TUBB3: variants seen among roughly 807,000 people sequenced by gnomAD.
The protein encoded by TUBB3 is tubulin beta-3 chain.
TUBB3 carries 17 observed loss-of-function variants against 37.8 expected under a neutral mutation model. That is an observed-to-expected ratio of 0.45 (90% confidence interval 0.31 to 0.67). The LOEUF is 0.67. TUBB3 is among the 30% of genes least tolerant of loss of function. The pLI is 0.07. For missense variants in TUBB3, 262 were observed against 657.9 expected, an observed-to-expected ratio of 0.40 and a Z score of 6.58; for synonymous variants, 332 against 278.9, an observed-to-expected ratio of 1.19 and a Z score of -1.90.
rs147928399 is a variant in TUBB3 at position 89,933,463 on chromosome 16, C to G, written c.167-5C>G. ...CCGAATCACCGAGCCCCTCTCTCCC[C>G]TCAGCTCACAAGTACGTGCCTCGAG... is the stretch of plus-strand genomic sequence containing the variant. On this transcript the variant is annotated splice_region_variant and splice_polypyrimidine_tract_variant and intron_variant, in intron 2 of 3. Coordinates refer to ENST00000315491, the MANE Select transcript of TUBB3 (RefSeq NM_006086.4). 2.8e-4 allele frequency: 445 copies of G among 1,612,916 alleles called. No homozygotes were observed. The African/African-American group carries it at 5.4e-3, about 20-fold the overall frequency.
chr16:89,925,664 G>A (rs12600051), intron 1 of TUBB3, among the ~76,000 whole-genome samples: 1 of 152,198 alleles, frequency 6.6e-6, no homozygotes, highest in African/African-American at 2.4e-5. Flanking sequence ...CTCGGGGGCG[G>A]GGGCGGCAAG....
upstream of TUBB3, chr16:89,923,287 C>G (rs968071503): frequency 9.3e-5 from 79 of 849,936 alleles, no homozygotes; most frequent in East Asian, 1.6e-3. Context: ...GTGACATCAG[C>G]CGATGCGAAG....
rs1328086868 is a variant in TUBB3 at position 89,935,871 on chromosome 16, C to T, written c.*67C>T. ...CCGAAGCCAGCAGTGTCTAAACCCC[C>T]GGAGCCATCTTGCTGCCGACACCCT... is the stretch of plus-strand genomic sequence containing the variant. On this transcript the variant is annotated 3_prime_UTR_variant, in exon 4 of 4. Coordinates refer to ENST00000315491, the MANE Select transcript of TUBB3 (RefSeq NM_006086.4). 4.8e-5 allele frequency: 74 copies of T among 1,538,274 alleles called. No homozygotes were observed. The highest frequency in any genetic ancestry group is 1.2e-4 in the East Asian group (5 of 41,726).
chr16:89,931,666 G>A lies in TUBB3; in HGVS notation c.58-905G>A, dbSNP rs892616365. ...CATTTCAAAAAGACCTCCTGTCATC[G>A]TGCCCATTGTACAGATGAGGACACT... is the stretch of plus-strand genomic sequence containing the variant. On this transcript the variant is annotated intron_variant, in intron 1 of 3. Coordinates refer to ENST00000315491, the MANE Select transcript of TUBB3 (RefSeq NM_006086.4). The A allele has an allele frequency of 9.0e-5, 15 of 165,868 alleles. 1 individual carries two copies. Among genetic ancestry groups the A allele is most frequent in the Middle Eastern group, 1.0e-3 (2 of 1,972 alleles). The allele number at this position is 165,868 out of a possible 1,614,324, so 10.3% of individuals were successfully genotyped here. A position where few individuals can be genotyped will look rare whatever the true frequency, so the allele number is the denominator to read the frequency against.
chr16:89,931,607 C>G (rs547823673), intron 1 of TUBB3: 1 of 157,924 alleles, frequency 6.3e-6, no homozygotes, highest in African/African-American at 2.4e-5. Context: ...TTGCCATATA[C>G]CATTTATATG....
chr16:89,935,144 C>A lies in TUBB3; in HGVS notation c.693C>A (p.Ala231=), dbSNP rs773330933. 1.2e-6 allele frequency: 2 copies of A among 1,614,112 alleles called. No individual in the cohort carries two copies. The highest frequency in any genetic ancestry group is 3.3e-5 in the Admixed American group (2 of 60,030). ...TYGDLNHLVS[A]TMSGVTTSLR... ...GGGACCTCAACCACCTGGTATCGGC[C>A]ACCATGAGCGGAGTCACCACCTCCT... Residue 231 remains alanine (A), a synonymous_variant, in exon 4 of 4, where the codon GCC becomes GCA. Transcript: ENST00000315491.
chr16:89,926,808 C>T (rs541190077), intron 1 of TUBB3, among the ~76,000 whole-genome samples: 1 of 152,116 alleles, frequency 6.6e-6, no homozygotes, highest in Non-Finnish European at 1.5e-5. Flanking sequence ...ACCTCCACTT[C>T]CTGGGTTCAA....
intron 1 of TUBB3, among the ~76,000 whole-genome samples, chr16:89,929,299 A>G (rs1049008770): frequency 6.6e-6 from 1 of 152,204 alleles, no homozygotes; most frequent in African/African-American, 2.4e-5. Flanking sequence ...TAACGCAAAA[A>G]GAATAAAACT....
intron 1 of TUBB3, among the ~76,000 whole-genome samples, chr16:89,929,893 G>A (rs2030219350): frequency 6.6e-6 from 1 of 151,820 alleles, no homozygotes. Flanking sequence ...TAGAGACAGG[G>A]TTTTGCCATG....
rs551650733 is a variant in TUBB3 at position 89,935,261 on chromosome 16, C to T, written c.810C>T (p.Phe270=). Residue 270 remains phenylalanine, a synonymous_variant, in exon 4 of 4, where the codon TTC becomes TTT. Coordinates refer to ENST00000315491, the MANE Select transcript of TUBB3 (RefSeq NM_006086.4). ...GCCTGCACTTCTTCATGCCCGGCTTCGCCCCCCTCACAGCCCGGGGCAGCC... is the reference window on the plus strand; with the variant it reads ...GCCTGCACTTCTTCATGCCCGGCTTTGCCCCCCTCACAGCCCGGGGCAGCC... ...FPRLHFFMPG[F]APLTARGSQQ... 9.3e-6 allele frequency: 15 copies of T among 1,613,714 alleles called. No individual in the cohort carries two copies. In the East Asian group the frequency reaches 2.0e-4, roughly 22 times the overall value.
At chr16:89,930,089 CTTCA>C (rs1206086847) in intron 1 of TUBB3, among the ~76,000 whole-genome samples, 13 of 139,056 alleles carry the variant, frequency 9.3e-5, no homozygotes, top group Non-Finnish European at 1.8e-4. Context: ...TTCTTTCTTC[CTTCA>C]TTCCTTCCTT....
At chr16:89,931,772 A>C (rs1456652956) in intron 1 of TUBB3, 2 of 301,196 alleles carry the variant, frequency 6.6e-6, no homozygotes, top group African/African-American at 4.3e-5. Flanking sequence ...CAGCAGGCCC[A>C]GCCCCTGAGT....
upstream of TUBB3, chr16:89,922,494 C>G (rs924982377): frequency 6.6e-6 from 1 of 152,520 alleles, no homozygotes; most frequent in African/African-American, 2.4e-5. Context: ...CCCCGAGGCC[C>G]CCCTGCACGC....
intron 1 of TUBB3, among the ~76,000 whole-genome samples, chr16:89,928,322 C>G (rs1356664145): frequency 6.6e-6 from 1 of 151,942 alleles, no homozygotes; most frequent in Non-Finnish European, 1.5e-5. Context: ...TCCCAAACTG[C>G]TGGGATTATA....
chr16:89,926,661 C>T (rs1016769372), intron 1 of TUBB3, among the ~76,000 whole-genome samples: 3 of 152,256 alleles, frequency 2.0e-5, no homozygotes, highest in Admixed American at 1.3e-4. Flanking sequence ...GCAGCCTCGG[C>T]CTCCCGAGTA....
chr16:89,932,386 G>A lies in TUBB3; in HGVS notation c.58-185G>A, dbSNP rs2302898. ...GGCCTGGACGTGTAGGTGTGGAGGT[G>A]CATATTTATTATGGCAATTTTCTGA... On this transcript the variant is annotated intron_variant, in intron 1 of 3. Transcript: ENST00000315491. Among the ~76,000 whole-genome samples, 50,097 of 152,052 alleles carry A rather than the reference G, an allele frequency of 0.33. 8,784 individuals are homozygous for A. The highest frequency in any genetic ancestry group is 0.63 in the East Asian group (3,238 of 5,162).
chr16:89,933,046 A>C, intron 2 of TUBB3: 2 of 466,460 alleles, frequency 4.3e-6, no homozygotes, highest in South Asian at 2.0e-5. Flanking sequence ...AGTGATTTCC[A>C]TATCAAAGTG....
intron 1 of TUBB3, among the ~76,000 whole-genome samples, chr16:89,931,340 G>C (rs1403307861): frequency 6.6e-6 from 1 of 152,222 alleles, no homozygotes; most frequent in Non-Finnish European, 1.5e-5. Flanking sequence ...CTTGTTTCTT[G>C]AGGCCTTCAT....
rs779118425 is a variant in TUBB3, at chr16:89,930,831, C to CT, written c.58-1726dup. Among the ~76,000 whole-genome samples the CT allele has an allele frequency of 7.1e-3, 1,008 of 140,994 alleles. 8 individuals carry two copies. The highest frequency in any genetic ancestry group is 0.021 in the African/African-American group (809 of 38,516). The allele number at this position is 140,994 out of a possible 152,430, so 92.5% of individuals were successfully genotyped here. A position where few individuals can be genotyped will look rare whatever the true frequency, so the allele number is the denominator to read the frequency against. Reference sequence around the variant, plus strand: ...AAAGTCACCCCTTTACGAGAGGCATCTTTTTTTTTTTTTTGAGATGGTGTC... The same window carrying CT: ...AAAGTCACCCCTTTACGAGAGGCATCTTTTTTTTTTTTTTTGAGATGGTGTC... On this transcript the variant is annotated intron_variant, in intron 1 of 3. Coordinates refer to ENST00000315491, the MANE Select transcript of TUBB3 (RefSeq NM_006086.4).
Sources: allele counts gnomAD v4.1 joint callset (sites outside exome capture counted in the v4.1 genomes callset), GRCh38; gene constraint gnomAD v4.1.1; transcripts MANE v1.5; gene names NCBI Gene and HGNC (gene_info 2026-07-23, HGNC 2026-07-21).